The following DISP1 variants were observed in gnomAD, a reference collection of about 807,000 sequenced individuals.
The protein encoded by DISP1 is dispatched RND transporter family member 1.
DISP1 carries 30 observed loss-of-function variants against 37.3 expected under a neutral mutation model. The observed-to-expected ratio is 0.80, with a 90% confidence interval of 0.60 to 1.09. DISP1 has a LOEUF of 1.09. Ranked by LOEUF, DISP1 falls within the 50% of genes least tolerant of loss-of-function variation. The probability of loss-of-function intolerance (pLI) is 0.00; values close to 1 mark genes in which losing one functional copy is unlikely to be tolerated. For missense variants in DISP1, 1,598 were observed against 1,879.5 expected (o/e 0.85, Z 2.77); for synonymous variants, 634 against 690.2 (o/e 0.92, Z 1.28).
At chr1:222,979,554 C>G (rs1677678356) in intron 3 of DISP1, 1 of 469,444 alleles carries the variant, frequency 2.1e-6, no homozygotes, top group Non-Finnish European at 4.4e-6. Context: ...CTCAATAAAA[C>G]TCATTGAAAA....
intron 1 of DISP1, among the ~76,000 whole-genome samples, chr1:222,915,366 A>G (rs1422140932): frequency 1.3e-5 from 2 of 151,900 alleles, no homozygotes; most frequent in Admixed American, 6.5e-5. Context: ...AAGGCATTAC[A>G]CTTGGCAAAG....
rs761698778 is a variant in DISP1 at position 223,005,929 on chromosome 1, A to T, written c.4532A>T (p.His1511Leu). Reference protein sequence around the residue: ...MEANVPAVLTHSELSGESLLI... With the variant: ...MEANVPAVLTLSELSGESLLI... ...GCCAATGTGCCTGCTGTATTAACACACTCGGAACTTTCTGGTGAAAGTTTG... is the reference window on the plus strand; with the variant it reads ...GCCAATGTGCCTGCTGTATTAACACTCTCGGAACTTTCTGGTGAAAGTTTG... The change falls in exon 9 of 9, where the codon CAC becomes CTC. Residue 1511 changes from histidine (H) to leucine (L), a missense_variant. Coordinates refer to ENST00000675850, the MANE Select transcript of DISP1 (RefSeq NM_001377229.1). The T allele has an allele frequency of 3.7e-6, 6 of 1,614,038 alleles. No homozygotes were observed. The highest frequency in any genetic ancestry group is 5.1e-6 in the Non-Finnish European group (6 of 1,180,034).
At position 222,893,706 on chromosome 1, in the gene DISP1, G is replaced by T. The variant is rs1671073415; in HGVS notation, c.-158-34724G>T. Reference sequence around the variant, plus strand: ...TGGAAGCTTGGAGATGCCAGGAACTGCAGAGCCCCAAAGAGAGTGTCACAA... The same window carrying T: ...TGGAAGCTTGGAGATGCCAGGAACTTCAGAGCCCCAAAGAGAGTGTCACAA... On this transcript the variant is annotated intron_variant, in intron 1 of 8. Transcript: ENST00000675850. This position sits in a 1 kb window ranked among gnomAD's most constrained non-coding sequence, Gnocchi z 4.3. 6.6e-6 allele frequency among the ~76,000 whole-genome samples: 1 copy of T among 152,222 alleles called. No individual in the cohort carries two copies. The highest frequency in any genetic ancestry group is 2.4e-5 in the African/African-American group (1 of 41,460).
At chr1:222,936,888 A>ATATATC (rs1558340372) in intron 2 of DISP1, among the ~76,000 whole-genome samples, 3 of 40,004 alleles carry the variant, frequency 7.5e-5, no homozygotes, top group African/African-American at 2.4e-4. Flanking sequence ...TGATATATAT[A>ATATATC]ATATATTATT....
Position 222,896,608 on chromosome 1 carries a change from AAAAAAAAAAGGTAAAAAG to A in DISP1, c.-158-31816_-158-31799del, listed in dbSNP as rs897586216. Among the ~76,000 whole-genome samples, 21 of 152,130 alleles carry A rather than the reference AAAAAAAAAAGGTAAAAAG, an allele frequency of 1.4e-4. 1 individual carries two copies. In the South Asian group the frequency reaches 1.9e-3, roughly 14 times the overall value. On this transcript the variant is annotated intron_variant, in intron 1 of 8. Coordinates refer to ENST00000675850, the MANE Select transcript of DISP1 (RefSeq NM_001377229.1). The stretch of plus-strand genomic sequence containing the variant: ...AGAGTGAGACTCTATCTCAGAGAAA[AAAAAAAAAAGGTAAAAAG>A]AAAAAGCAAGGTACAAAGTAGGAGA...
intron 1 of DISP1, among the ~76,000 whole-genome samples, chr1:222,884,271 T>C (rs1670451638): frequency 6.6e-6 from 1 of 152,180 alleles, no homozygotes; most frequent in Admixed American, 6.5e-5. Context: ...GTTAATATCT[T>C]ATATAACCAT....
intron 1 of DISP1, among the ~76,000 whole-genome samples, chr1:222,858,813 A>C (rs1156790764): frequency 6.6e-6 from 1 of 152,230 alleles, no homozygotes; most frequent in Non-Finnish European, 1.5e-5. Context: ...AGTGGTGATT[A>C]TTAAAACGTC....
At chr1:222,941,493 A>G (rs1674383893) in intron 2 of DISP1, among the ~76,000 whole-genome samples, 1 of 152,220 alleles carries the variant, frequency 6.6e-6, no homozygotes, top group Non-Finnish European at 1.5e-5. Flanking sequence ...TTTATTAAGA[A>G]ATTCCTATTG....
intron 1 of DISP1, among the ~76,000 whole-genome samples, chr1:222,878,888 G>T (rs1048536288): frequency 1.3e-5 from 2 of 152,156 alleles, no homozygotes; most frequent in African/African-American, 4.8e-5. Context: ...ATTAATTTCA[G>T]TAAACCTGAG....
intron 1 of DISP1, among the ~76,000 whole-genome samples, chr1:222,822,485 G>C (rs1238054092): frequency 6.6e-6 from 1 of 152,162 alleles, no homozygotes; most frequent in Non-Finnish European, 1.5e-5. Context: ...AGAGGCTTTT[G>C]AGGGAAGAAG....
chr1:222,917,621 G>A (rs2609407), intron 1 of DISP1, among the ~76,000 whole-genome samples: 23,725 of 152,156 alleles, frequency 0.16, 1,941 homozygotes, highest in East Asian at 0.3. Flanking sequence ...AAATTCGAGA[G>A]AATTTTTTGC....
chr1:222,992,029 T>C lies in DISP1; in HGVS notation c.808T>C (p.Trp270Arg), dbSNP rs1398204324. The change falls in exon 7 of 9, where the codon TGG becomes CGG. Residue 270 changes from tryptophan (W) to arginine (R), a missense_variant. Trp to Arg is a moderately radical substitution (Grantham distance 101). Coordinates refer to ENST00000675850, the MANE Select transcript of DISP1 (RefSeq NM_001377229.1). ...CCATTTCAGCCATCGGGATGATAGA[T>C]GGTCAGATGATCATTATGAAAGAGA... is the stretch of plus-strand genomic sequence containing the variant. ...EQAKSHRDDR[W>R]SDDHYEREKR... The C allele has an allele frequency of 1.2e-6, 2 of 1,613,692 alleles. No individual in the cohort carries two copies. The highest frequency in any genetic ancestry group is 1.7e-6 in the Non-Finnish European group (2 of 1,179,628).
At chr1:222,842,416 A>G (rs1190667334) in intron 1 of DISP1, among the ~76,000 whole-genome samples, 1 of 151,810 alleles carries the variant, frequency 6.6e-6, no homozygotes, top group East Asian at 1.9e-4. Context: ...CTGTTTTAGA[A>G]GGAGATTATA....
chr1:222,975,036 C>G (rs985928600), intron 3 of DISP1, among the ~76,000 whole-genome samples: 1 of 152,036 alleles, frequency 6.6e-6, no homozygotes, highest in Non-Finnish European at 1.5e-5. Flanking sequence ...CACTTTTTTG[C>G]TTAAAAATTT....
chr1:222,939,843 A>G (rs935547084), intron 2 of DISP1, among the ~76,000 whole-genome samples: 6 of 145,168 alleles, frequency 4.1e-5, no homozygotes, highest in South Asian at 2.2e-4. Context: ...AAAAAAAAAA[A>G]GGCCGGGCGC....
At chr1:222,835,791 A>G (rs183691222) in intron 1 of DISP1, among the ~76,000 whole-genome samples, 1 of 151,898 alleles carries the variant, frequency 6.6e-6, no homozygotes, top group African/African-American at 2.4e-5. Context: ...GTCTCTACTA[A>G]AAATACAAAA....
Position 223,005,904 on chromosome 1 carries a change from G to A in DISP1, c.4507G>A (p.Ala1503Thr), listed in dbSNP as rs748118270. ...GGACTGTCAAATGCCAAACATGGAAGCCAATGTGCCTGCTGTATTAACACA... is the reference window on the plus strand; with the variant it reads ...GGACTGTCAAATGCCAAACATGGAAACCAATGTGCCTGCTGTATTAACACA... ...SVDCQMPNMEANVPAVLTHSE... is the reference protein window; with the variant it reads ...SVDCQMPNMETNVPAVLTHSE... Residue 1503 changes from alanine to threonine, a missense_variant, in exon 9 of 9, where the codon GCC becomes ACC. Coordinates refer to ENST00000675850, the MANE Select transcript of DISP1 (RefSeq NM_001377229.1). The A allele has an allele frequency of 3.1e-6, 5 of 1,614,172 alleles. No individual in the cohort carries two copies. Among genetic ancestry groups the A allele is most frequent in the Non-Finnish European group, 4.2e-6 (5 of 1,180,052 alleles).
chr1:222,919,529 CT>C (rs770864859), intron 1 of DISP1, among the ~76,000 whole-genome samples: 11 of 152,200 alleles, frequency 7.2e-5, no homozygotes, highest in Non-Finnish European at 1.5e-4. Context: ...TCTTCTTCCC[CT>C]GATCTCTTCT....
In DISP1 at chr1:223,002,427, A is replaced by G; in HGVS notation, c.1030A>G (p.Thr344Ala). ...GTTTGGTGATCTCTGCCAGAGGACC[A>G]CTGCTGCCTCCTGCTGCCCCAGCTG... The part of the protein sequence containing the change: ...PQFGDLCQRT[T>A]AASCCPSWTL... The change falls in exon 9 of 9, where the codon ACT (threonine) becomes GCT (alanine). Residue 344 changes from threonine to alanine, a missense_variant. Coordinates refer to ENST00000675850, the MANE Select transcript of DISP1 (RefSeq NM_001377229.1). The G allele has an allele frequency of 6.2e-7, 1 of 1,614,096 alleles. No homozygotes were observed. Among genetic ancestry groups the G allele is most frequent in the South Asian group, 1.1e-5 (1 of 91,076 alleles).
Sources: allele counts gnomAD v4.1 joint callset (sites outside exome capture counted in the v4.1 genomes callset), GRCh38; gene constraint gnomAD v4.1.1; non-coding constraint Gnocchi (gnomAD v3.1); transcripts MANE v1.5; gene names NCBI Gene and HGNC (gene_info 2026-07-23, HGNC 2026-07-21).